The following NXPE4 variants were observed in gnomAD, a reference collection of about 807,000 sequenced individuals.
NXPE4 encodes the protein neurexophilin and PC-esterase domain family member 4.
A neutral mutation model predicts 33.3 loss-of-function variants in NXPE4; 42 were observed. The ratio of observed to expected loss-of-function variants is 1.26; its 90% CI spans 0.98 to 1.63. The LOEUF (loss-of-function observed/expected upper bound fraction) is 1.63, where lower values mean the gene tolerates loss of function less well. NXPE4 is among the 40% of genes most tolerant of loss of function. The pLI is 0.00. For missense variants in NXPE4, 709 were observed against 647.6 expected (o/e 1.09, Z -1.03); for synonymous variants, 253 against 234.9 (o/e 1.08, Z -0.71).
the NXPE4 span, among the ~76,000 whole-genome samples, chr11:114,606,059 C>G: frequency 6.6e-6 from 1 of 151,372 alleles, no homozygotes. Context: ...TCGTGGGTAA[C>G]CACTGTTATG....
the NXPE4 span, among the ~76,000 whole-genome samples, chr11:114,628,157 G>A: frequency 2.1e-5 from 3 of 143,934 alleles, no homozygotes; most frequent in African/African-American, 8.1e-5. Context: ...ACTCAGCTCT[G>A]CACCAAGTGG....
chr11:114,571,828 T>G (rs531235195), intron 5 of NXPE4, among the ~76,000 whole-genome samples: 1 of 152,322 alleles, frequency 6.6e-6, no homozygotes, highest in South Asian at 2.1e-4. Flanking sequence ...GGATCACCAC[T>G]GCAGGCTCTC....
At chr11:114,634,085 TA>T in the NXPE4 span, among the ~76,000 whole-genome samples, 2 of 151,648 alleles carry the variant, frequency 1.3e-5, 1 homozygote, top group Non-Finnish European at 2.9e-5. Flanking sequence ...ACCAACAGTG[TA>T]AAAGTGTTCC....
the NXPE4 span, among the ~76,000 whole-genome samples, chr11:114,657,645 T>C: frequency 2.0e-5 from 3 of 152,186 alleles, no homozygotes; most frequent in African/African-American, 2.4e-5. Context: ...TTTAATATGA[T>C]TGGTTTTCTT....
the NXPE4 span, among the ~76,000 whole-genome samples, chr11:114,638,910 C>T: frequency 1.3e-5 from 2 of 151,786 alleles, no homozygotes; most frequent in East Asian, 3.9e-4. Context: ...GCTTGGGGGT[C>T]AGGGGTCAGG....
At chr11:114,622,271 A>G in the NXPE4 span, among the ~76,000 whole-genome samples, 4 of 148,354 alleles carry the variant, frequency 2.7e-5, no homozygotes, top group African/African-American at 9.9e-5. Context: ...TTGCCTCGTG[A>G]GTAATCACTG....
the NXPE4 span, among the ~76,000 whole-genome samples, chr11:114,607,349 G>T: frequency 6.6e-6 from 1 of 151,800 alleles, no homozygotes; most frequent in South Asian, 2.1e-4. Flanking sequence ...GTATTGCCTC[G>T]TGGGTAACCA....
the NXPE4 span, among the ~76,000 whole-genome samples, chr11:114,612,163 GATA>G: frequency 2.0e-5 from 3 of 151,970 alleles, no homozygotes; most frequent in Non-Finnish European, 4.4e-5. Context: ...TTGCCCAGTG[GATA>G]ATAAGTGTTG....
the NXPE4 span, among the ~76,000 whole-genome samples, chr11:114,663,944 AT>A: frequency 6.6e-6 from 1 of 152,164 alleles, no homozygotes; most frequent in Non-Finnish European, 1.5e-5. Context: ...CACATTGCTG[AT>A]GGGGTGCAAA....
the NXPE4 span, among the ~76,000 whole-genome samples, chr11:114,602,043 T>C: frequency 1.1e-5 from 1 of 91,134 alleles, no homozygotes; most frequent in African/African-American, 4.6e-5. Flanking sequence ...CTATATAATA[T>C]ATATTATATT....
chr11:114,662,505 C>T, the NXPE4 span, among the ~76,000 whole-genome samples: 1 of 152,166 alleles, frequency 6.6e-6, no homozygotes, highest in Non-Finnish European at 1.5e-5. Flanking sequence ...GCTACTAGTG[C>T]TGAACTTGGC....
At chr11:114,629,039 C>T in the NXPE4 span, among the ~76,000 whole-genome samples, 1 of 151,926 alleles carries the variant, frequency 6.6e-6, no homozygotes, top group Admixed American at 6.6e-5. Flanking sequence ...AATAGCTTAC[C>T]AATGAAAAAG....
chr11:114,657,511 C>T, the NXPE4 span, among the ~76,000 whole-genome samples: 1 of 152,098 alleles, frequency 6.6e-6, no homozygotes, highest in Non-Finnish European at 1.5e-5. Context: ...CAAAGTGCCA[C>T]TTACTCTTAC....
chr11:114,579,234 C>T (rs1013388864), intron 5 of NXPE4, among the ~76,000 whole-genome samples: 2 of 152,108 alleles, frequency 1.3e-5, no homozygotes, highest in Non-Finnish European at 2.9e-5. Flanking sequence ...CATGAACTGA[C>T]AGAGCGAGAA....
At chr11:114,615,742 G>C in the NXPE4 span, among the ~76,000 whole-genome samples, 6 of 151,448 alleles carry the variant, frequency 4.0e-5, no homozygotes, top group African/African-American at 1.5e-4. Context: ...GGTAACCGCT[G>C]TTACTCAGTG....
chr11:114,628,218 T>A, the NXPE4 span, among the ~76,000 whole-genome samples: 1 of 143,750 alleles, frequency 7.0e-6, no homozygotes, highest in Non-Finnish European at 1.5e-5. Context: ...AGAATATACA[T>A]TTTTTTCAGC....
the NXPE4 span, among the ~76,000 whole-genome samples, chr11:114,601,873 ATT>A: frequency 2.7e-4 from 1 of 3,694 alleles, no homozygotes; most frequent in African/African-American, 1.8e-3. Flanking sequence ...AATTATATAT[ATT>A]ATATATAATT....
rs7944437 is a variant in NXPE4 at position 114,588,758 on chromosome 11, G to A, written c.97-5737C>T. Among the ~76,000 whole-genome samples the A allele has an allele frequency of 1.7e-3, 252 of 152,248 alleles. 1 individual carries two copies. Among genetic ancestry groups the A allele is most frequent in the African/African-American group, 5.7e-3 (237 of 41,546 alleles). On this transcript the variant is annotated intron_variant, in intron 2 of 5. Coordinates refer to ENST00000375478, the MANE Select transcript of NXPE4 (RefSeq NM_001077639.2). ...CTGTCCATGGTAGACCAAAATCCAG[G>A]TAAGAATCCCACAGCCTTTATGGAA...
At chr11:114,630,371 T>C in the NXPE4 span, among the ~76,000 whole-genome samples, 7 of 151,664 alleles carry the variant, frequency 4.6e-5, no homozygotes, top group Admixed American at 3.9e-4. Context: ...TAACACCACA[T>C]TTCTACAACT....
Sources: gnomAD v4.1 joint callset for allele counts (sites outside exome capture counted in the v4.1 genomes callset) on GRCh38, gnomAD v4.1.1 for gene constraint, MANE v1.5 for transcripts, NCBI Gene and HGNC (gene_info 2026-07-23, HGNC 2026-07-21) for gene names.